PLCH1: variants seen among roughly 807,000 people sequenced by gnomAD.
PLCH1 encodes the protein phospholipase C eta 1.
PLCH1 carries 60 observed loss-of-function variants against 126.7 expected under a neutral mutation model. That is an observed-to-expected ratio of 0.47 (90% confidence interval 0.38 to 0.59). The LOEUF (loss-of-function observed/expected upper bound fraction) is 0.59, where lower values mean the gene tolerates loss of function less well. Among genes scored for constraint, PLCH1 ranks in the 20% least tolerant of loss-of-function variants. The pLI, the probability that PLCH1 is intolerant of heterozygous loss-of-function variation, is 0.00. For synonymous variants in PLCH1, 719 were observed against 734.9 expected (o/e 0.98, Z 0.35); for missense variants, 1,723 against 2,040.0 (o/e 0.84, Z 2.99).
chr3:155,737,962 A>G (rs920989543), intron 1 of PLCH1, among the ~76,000 whole-genome samples: 1 of 152,214 alleles, frequency 6.6e-6, no homozygotes, highest in Admixed American at 6.5e-5. Context: ...AAGTGAAGAC[A>G]GATGAAAGAG....
chr3:155,602,391 G>A (rs1733852156), intron 2 of PLCH1, among the ~76,000 whole-genome samples: 1 of 152,158 alleles, frequency 6.6e-6, no homozygotes, highest in South Asian at 2.1e-4. Context: ...GAAAGGGAAT[G>A]ACACTACTCT....
rs766782163 is a variant in PLCH1, at chr3:155,645,355, G to A, written c.80-48977C>T. Reference sequence around the variant, plus strand: ...CTCCTAAGTAGCTGGGAATACAGGCGTGCACCACTGATCCTGGCATAGCCT... The same window carrying A: ...CTCCTAAGTAGCTGGGAATACAGGCATGCACCACTGATCCTGGCATAGCCT... On this transcript the variant is annotated intron_variant, in intron 2 of 22. Transcript: ENST00000460012. 1.4e-4 allele frequency among the ~76,000 whole-genome samples: 21 copies of A among 152,070 alleles called. No individual in the cohort carries two copies. In the Middle Eastern group the frequency reaches 0.01, roughly 74 times the overall value.
intron 4 of PLCH1, among the ~76,000 whole-genome samples, chr3:155,593,625 C>T (rs776166891): frequency 4.6e-5 from 7 of 152,164 alleles, no homozygotes; most frequent in Non-Finnish European, 7.3e-5. Context: ...TTAAAAGAGG[C>T]AATGATACTT....
At chr3:155,657,787 G>T (rs544557376) in intron 2 of PLCH1, 1 of 152,236 alleles carries the variant, frequency 6.6e-6, no homozygotes, top group South Asian at 2.1e-4. Flanking sequence ...TAAAAGGCTG[G>T]ATACTAAGAA....
At chr3:155,530,011 C>A (rs1354298055) in intron 10 of PLCH1, among the ~76,000 whole-genome samples, 1 of 152,126 alleles carries the variant, frequency 6.6e-6, no homozygotes, top group Non-Finnish European at 1.5e-5. Flanking sequence ...AAGTGATCCA[C>A]CCGCCTTGGC....
intron 6 of PLCH1, among the ~76,000 whole-genome samples, chr3:155,570,961 GT>G (rs1483476891): frequency 6.6e-6 from 1 of 151,506 alleles, no homozygotes; most frequent in East Asian, 1.9e-4. Context: ...ATTTACTGTA[GT>G]TCTTTAGTCT....
chr3:155,605,324 G>A (rs1323818517), intron 2 of PLCH1, among the ~76,000 whole-genome samples: 1 of 152,040 alleles, frequency 6.6e-6, no homozygotes, highest in Non-Finnish European at 1.5e-5. Flanking sequence ...GTAAATTCTT[G>A]GGGATCATGG....
At chr3:155,667,867 C>G (rs186052829) in intron 2 of PLCH1, among the ~76,000 whole-genome samples, 9 of 141,518 alleles carry the variant, frequency 6.4e-5, no homozygotes, top group East Asian at 4.1e-4. Flanking sequence ...GAGTTCAAGA[C>G]CAGCCTGGCC....
At chr3:155,548,512 A>T (rs992628292) in intron 10 of PLCH1, among the ~76,000 whole-genome samples, 2 of 152,240 alleles carry the variant, frequency 1.3e-5, no homozygotes, top group Non-Finnish European at 2.9e-5. Context: ...ATTAGTCCAC[A>T]TTAAATATCC....
chr3:155,641,935 C>T (rs1739445685), intron 2 of PLCH1, among the ~76,000 whole-genome samples: 1 of 151,950 alleles, frequency 6.6e-6, no homozygotes, highest in Non-Finnish European at 1.5e-5. Flanking sequence ...CTAAGATTCA[C>T]CAGCTGCAGA....
At chr3:155,501,851 G>A (rs960971040) in intron 13 of PLCH1, among the ~76,000 whole-genome samples, 6 of 152,060 alleles carry the variant, frequency 3.9e-5, no homozygotes, top group African/African-American at 1.2e-4. Context: ...AATAATTGCC[G>A]AAAACCTTGC....
intron 10 of PLCH1, among the ~76,000 whole-genome samples, chr3:155,530,587 C>CTTCTAA (rs61301100): frequency 0.94 from 142,175 of 151,868 alleles, 67,260 homozygotes; most frequent in African/African-American, 0.99. Flanking sequence ...ACAGGCTCCA[C>CTTCTAA]TTCTAGTTCT....
At chr3:155,640,005 C>G (rs948792880) in intron 2 of PLCH1, among the ~76,000 whole-genome samples, 4 of 152,236 alleles carry the variant, frequency 2.6e-5, no homozygotes, top group Admixed American at 1.3e-4. Context: ...TCTGAGGCCT[C>G]CTCAGCCATG....
chr3:155,730,437 C>T (rs1413655987), intron 1 of PLCH1, among the ~76,000 whole-genome samples: 4 of 152,066 alleles, frequency 2.6e-5, no homozygotes, highest in East Asian at 1.9e-4. Context: ...GCCCGCACCA[C>T]GCCCAGCTAA....
At chr3:155,520,553 G>A (rs760468198) in intron 11 of PLCH1, among the ~76,000 whole-genome samples, 3 of 152,178 alleles carry the variant, frequency 2.0e-5, no homozygotes, top group Non-Finnish European at 2.9e-5. Context: ...AAAAGACACT[G>A]CATAACTCAG....
intron 2 of PLCH1, among the ~76,000 whole-genome samples, chr3:155,599,148 A>G (rs1157180072): frequency 6.6e-6 from 1 of 152,002 alleles, no homozygotes; most frequent in African/African-American, 2.4e-5. Flanking sequence ...CATTGTGAGT[A>G]ATAAATGTCT....
At chr3:155,627,427 G>A (rs13084108) in intron 2 of PLCH1, among the ~76,000 whole-genome samples, 20,055 of 123,980 alleles carry the variant, frequency 0.16, 2,010 homozygotes, top group East Asian at 0.47. Flanking sequence ...TTAGGAGATC[G>A]AGACCATCCT....
At chr3:155,652,810 A>T (rs140167479) in intron 2 of PLCH1, among the ~76,000 whole-genome samples, 1 of 152,124 alleles carries the variant, frequency 6.6e-6, no homozygotes, top group African/African-American at 2.4e-5. Flanking sequence ...TGATTTCTGC[A>T]CCAAGCCCCA....
chr3:155,612,780 T>G (rs1735283284), intron 2 of PLCH1, among the ~76,000 whole-genome samples: 1 of 151,662 alleles, frequency 6.6e-6, no homozygotes, highest in Non-Finnish European at 1.5e-5. Context: ...TGGTGGTGCA[T>G]GCCTGTAATC....
Sources: gnomAD v4.1 joint callset for allele counts (sites outside exome capture counted in the v4.1 genomes callset) on GRCh38, gnomAD v4.1.1 for gene constraint, MANE v1.5 for transcripts, NCBI Gene and HGNC (gene_info 2026-07-23, HGNC 2026-07-21) for gene names.